EVI5: variants seen among roughly 807,000 people sequenced by gnomAD.
The protein encoded by EVI5 is ecotropic viral integration site 5.
In EVI5, 73 loss-of-function variants were observed where a neutral mutation model predicts 112.0. The observed-to-expected ratio is 0.65, with a 90% confidence interval of 0.54 to 0.79. The LOEUF (loss-of-function observed/expected upper bound fraction) is 0.79, where lower values mean the gene tolerates loss of function less well. Ranked by LOEUF, EVI5 falls within the 30% of genes least tolerant of loss-of-function variation. The pLI is 0.00. For missense variants in EVI5, 900 were observed against 968.8 expected, an observed-to-expected ratio of 0.93 and a Z score of 0.94; for synonymous variants, 305 against 319.9, an observed-to-expected ratio of 0.95 and a Z score of 0.50.
chr1:92,680,116 G>C (rs1036769534), intron 9 of EVI5, among the ~76,000 whole-genome samples: 3 of 152,258 alleles, frequency 2.0e-5, no homozygotes, highest in African/African-American at 7.2e-5. Flanking sequence ...ACTATTAACA[G>C]AGTGATCTTT....
chr1:92,536,717 A>G (rs894112022), intron 19 of EVI5, among the ~76,000 whole-genome samples: 2 of 152,198 alleles, frequency 1.3e-5, no homozygotes, highest in African/African-American at 2.4e-5. Flanking sequence ...TAGGTTCTTT[A>G]TAAGTGATAA....
chr1:92,710,758 G>C (rs1014768675), intron 2 of EVI5, among the ~76,000 whole-genome samples: 7 of 151,240 alleles, frequency 4.6e-5, no homozygotes, highest in African/African-American at 1.2e-4. Flanking sequence ...GGGGTTGGGG[G>C]GGGGGTGCCA....
Position 92,665,946 on chromosome 1 carries a change from A to G in EVI5, c.1205T>C (p.Leu402Ser), listed in dbSNP as rs1454039644. Residue 402 changes from leucine (L) to serine (S), a missense_variant, in exon 11 of 20, where the codon TTA becomes TCA. Transcript: ENST00000684568. The stretch of plus-strand genomic sequence containing the variant: ...AAGTAGTCACTTACTTACTTTTTCT[A>G]ATGTCTCGATGCGCTGTTTTAAAAG... ...NRLLKQRIET[L>S]EKESASLADR... The G allele has an allele frequency of 6.2e-7, 1 of 1,601,308 alleles. No homozygotes were observed. Among genetic ancestry groups the G allele is most frequent in the Non-Finnish European group, 8.5e-7 (1 of 1,174,064 alleles).
At chr1:92,560,399 G>A (rs1668338057) in intron 19 of EVI5, among the ~76,000 whole-genome samples, 1 of 152,218 alleles carries the variant, frequency 6.6e-6, no homozygotes, top group African/African-American at 2.4e-5. Context: ...AAGGGAGAGA[G>A]TACGGGTTGA....
chr1:92,665,829 A>G, intron 11 of EVI5, 110 bp downstream of exon 11: 1 of 675,022 alleles, frequency 1.5e-6, no homozygotes. Flanking sequence ...CTAAGCAGTC[A>G]ATACTACAAC....
In EVI5 at chr1:92,684,636, G is replaced by A. The variant is rs539744817; in HGVS notation, c.1098-7418C>T. On this transcript the variant is annotated intron_variant, in intron 9 of 19. Coordinates refer to ENST00000684568, the MANE Select transcript of EVI5 (RefSeq NM_001350197.2). ...TTAGATAAAGAGTCAAGACCCATCA[G>A]TGTGCTGTATTCAGGAGACCCACCT... Among the ~76,000 whole-genome samples, 29 of 152,174 alleles carry A rather than the reference G, an allele frequency of 1.9e-4. No individual in the cohort carries two copies. In the South Asian group the frequency reaches 5.8e-3, roughly 30 times the overall value.
At chr1:92,783,763 C>T (rs1395542784) in intron 1 of EVI5, among the ~76,000 whole-genome samples, 3 of 139,208 alleles carry the variant, frequency 2.2e-5, no homozygotes, top group Non-Finnish European at 3.0e-5. Context: ...AGTGAACCAA[C>T]GTCGCCACTG....
At chr1:92,581,061 A>G (rs1009883590) in intron 18 of EVI5, among the ~76,000 whole-genome samples, 1 of 152,156 alleles carries the variant, frequency 6.6e-6, no homozygotes, top group African/African-American at 2.4e-5. Context: ...TTGTTGTGCT[A>G]TTTCTTTTCA....
chr1:92,641,908 G>C (rs1213548857), intron 13 of EVI5, among the ~76,000 whole-genome samples: 1 of 152,188 alleles, frequency 6.6e-6, no homozygotes, highest in Non-Finnish European at 1.5e-5. Context: ...AGGAGGCTGA[G>C]GCGGGTGGAT....
rs192280747 is a variant in EVI5, at chr1:92,681,553, C to T, written c.1098-4335G>A. Among the ~76,000 whole-genome samples, 8 of 152,218 alleles carry T rather than the reference C, an allele frequency of 5.3e-5. No homozygotes were observed. The East Asian group carries it at 1.4e-3, about 26-fold the overall frequency. On this transcript the variant is annotated intron_variant, in intron 9 of 19. Coordinates refer to ENST00000684568, the MANE Select transcript of EVI5 (RefSeq NM_001350197.2). Reference sequence around the variant, plus strand: ...ACCTATGAGCCTTTGTACCTATTACCGTTCTTCTTAAAATGCCCTCCTTCT... The same window carrying T: ...ACCTATGAGCCTTTGTACCTATTACTGTTCTTCTTAAAATGCCCTCCTTCT...
chr1:92,527,297 C>G (rs1662042800), intron 19 of EVI5, among the ~76,000 whole-genome samples: 2 of 151,526 alleles, frequency 1.3e-5, no homozygotes, highest in Non-Finnish European at 2.9e-5. Flanking sequence ...CGCCTGTACT[C>G]CTAGCTACTT....
chr1:92,747,593 A>G (rs149356410), intron 1 of EVI5, among the ~76,000 whole-genome samples: 2 of 151,990 alleles, frequency 1.3e-5, no homozygotes, highest in Non-Finnish European at 2.9e-5. Flanking sequence ...GGGTGCCTGT[A>G]GTCCCAGCTA....
At chr1:92,753,661 G>A (rs1242681497) in intron 1 of EVI5, among the ~76,000 whole-genome samples, 1 of 151,940 alleles carries the variant, frequency 6.6e-6, no homozygotes, top group African/African-American at 2.4e-5. Context: ...TGTAGCTAGG[G>A]GCCTCCATAT....
chr1:92,535,446 G>C (rs1367650813), intron 19 of EVI5, among the ~76,000 whole-genome samples: 1 of 152,058 alleles, frequency 6.6e-6, no homozygotes, highest in African/African-American at 2.4e-5. Flanking sequence ...CTACTATAAA[G>C]ACACATGCAC....
intron 1 of EVI5, among the ~76,000 whole-genome samples, chr1:92,755,181 G>C (rs982789744): frequency 3.3e-5 from 5 of 151,500 alleles, no homozygotes; most frequent in Admixed American, 6.6e-5. Context: ...GGCTGAGGTG[G>C]GTGGATCACT....
Position 92,514,577 on chromosome 1 carries a change from T to C in EVI5, c.2167-607A>G, listed in dbSNP as rs1022231117. Among the ~76,000 whole-genome samples the C allele has an allele frequency of 2.6e-5, 4 of 152,188 alleles. No homozygotes were observed. In the South Asian group the frequency reaches 6.2e-4, roughly 24 times the overall value. Reference sequence around the variant, plus strand: ...AAGAGTAACTTGCTAAGGACATATATAGCTAGTAGCAAAGTTTAGATTCAA... The same window carrying C: ...AAGAGTAACTTGCTAAGGACATATACAGCTAGTAGCAAAGTTTAGATTCAA... On this transcript the variant is annotated intron_variant, in intron 19 of 19. Coordinates refer to ENST00000684568, the MANE Select transcript of EVI5 (RefSeq NM_001350197.2).
chr1:92,733,555 G>A (rs546803157), intron 2 of EVI5, among the ~76,000 whole-genome samples: 6 of 151,642 alleles, frequency 4.0e-5, no homozygotes, highest in South Asian at 2.1e-4. Context: ...ACAGGCACGC[G>A]CCACCACACC....
intron 19 of EVI5, among the ~76,000 whole-genome samples, chr1:92,524,148 A>C (rs1361827981): frequency 6.6e-6 from 1 of 150,408 alleles, no homozygotes; most frequent in East Asian, 1.9e-4. Flanking sequence ...TATTATTTAA[A>C]AAAAAAAAAA....
At chr1:92,780,235 G>A (rs1208830321) in intron 1 of EVI5, among the ~76,000 whole-genome samples, 1 of 152,198 alleles carries the variant, frequency 6.6e-6, no homozygotes, top group African/African-American at 2.4e-5. Context: ...TAAGTTTCCT[G>A]ATGCCTCCCC....
Sources: allele counts gnomAD v4.1 joint callset (sites outside exome capture counted in the v4.1 genomes callset), GRCh38; gene constraint gnomAD v4.1.1; transcripts MANE v1.5; gene names NCBI Gene and HGNC (gene_info 2026-07-23, HGNC 2026-07-21).